Variants in MED13L observed in about 807,000 individuals in gnomAD.
MED13L encodes the protein mediator of RNA polymerase II transcription subunit 13-like.
In MED13L, 7 loss-of-function variants were observed where a neutral mutation model predicts 220.9. The ratio of observed to expected loss-of-function variants is 0.03; its 90% CI spans 0.02 to 0.06. The LOEUF (loss-of-function observed/expected upper bound fraction) is 0.06. Among genes scored for constraint, MED13L ranks in the 10% least tolerant of loss-of-function variants. The probability of loss-of-function intolerance (pLI) is 1.00; values close to 1 mark genes in which losing one functional copy is unlikely to be tolerated. For synonymous variants in MED13L, 1,011 were observed against 1,015.2 expected, an observed-to-expected ratio of 1.00 and a Z score of 0.08; for missense variants, 1,965 against 2,760.5, an observed-to-expected ratio of 0.71 and a Z score of 6.46.
At chr12:116,187,663 C>T (rs1171645881) in intron 2 of MED13L, among the ~76,000 whole-genome samples, 1 of 151,990 alleles carries the variant, frequency 6.6e-6, no homozygotes, top group East Asian at 1.9e-4. Flanking sequence ...TATAACTATG[C>T]TAATCATAGG....
intron 2 of MED13L, among the ~76,000 whole-genome samples, chr12:116,127,664 A>C (rs1417237484): frequency 2.6e-5 from 4 of 152,200 alleles, no homozygotes; most frequent in Non-Finnish European, 5.9e-5. Flanking sequence ...AAAGTACAGA[A>C]ATTGTCATCC....
At chr12:115,962,573 A>G (rs1338629140) in intron 30 of MED13L, 1 of 152,216 alleles carries the variant, frequency 6.6e-6, no homozygotes, top group Admixed American at 6.5e-5. Flanking sequence ...ACATTAATCT[A>G]TAATATATAG....
In MED13L at chr12:115,991,840, T is replaced by C. The variant is rs765903489; in HGVS notation, c.3114A>G (p.Leu1038=). The C allele has an allele frequency of 3.3e-5, 53 of 1,610,918 alleles. No homozygotes were observed. Among genetic ancestry groups the C allele is most frequent in the Non-Finnish European group, 4.1e-5 (48 of 1,179,946 alleles). ...AGAAGCGAGGGGTTGCTGGAGATGG[T>C]AGGACTCCTGCCCCACTATTGCTGG... ...APASNSGAGV[L]PSPATPRFSV... is the part of the protein sequence containing the mutation. The change falls in exon 17 of 31, where the codon CTA becomes CTG. Residue 1038 remains leucine, a synonymous_variant. Coordinates refer to ENST00000281928, the MANE Select transcript of MED13L (RefSeq NM_015335.5). The surrounding 1 kb of genome is among the most constrained non-coding windows in gnomAD (Gnocchi z 7.7).
rs1179526241 is a variant in MED13L at position 116,108,682 on chromosome 12, GGTTT to G, written c.395+2742_395+2745del. On this transcript the variant is annotated intron_variant, in intron 3 of 30. Transcript: ENST00000281928. ...TCATCCATAGAAACTATATGAAGAT[GGTTT>G]GTTTGATCATTATTTTCTAAAAGAA... is the stretch of plus-strand genomic sequence containing the variant. Among the ~76,000 whole-genome samples, 12 of 152,092 alleles carry G rather than the reference GGTTT, an allele frequency of 7.9e-5. No homozygotes were observed. The South Asian group carries it at 2.1e-3, about 26-fold the overall frequency.
At chr12:116,169,536 A>G (rs930544824) in intron 2 of MED13L, among the ~76,000 whole-genome samples, 1 of 152,246 alleles carries the variant, frequency 6.6e-6, no homozygotes, top group African/African-American at 2.4e-5. Context: ...TGTTCAATAT[A>G]TAACAATACG....
At chr12:116,256,634 T>C (rs569394979) in intron 1 of MED13L, among the ~76,000 whole-genome samples, 1 of 151,974 alleles carries the variant, frequency 6.6e-6, no homozygotes, top group East Asian at 1.9e-4. Flanking sequence ...GAAATGTATG[T>C]ATTAATGGAA....
intron 27 of MED13L, 43 bp downstream of exon 27, chr12:115,970,551 C>T: frequency 6.3e-7 from 1 of 1,596,778 alleles, no homozygotes. Context: ...CCGGCTCTGC[C>T]CTGCATGAAG....
chr12:116,117,103 C>T (rs1243349913), intron 2 of MED13L, among the ~76,000 whole-genome samples: 1 of 151,782 alleles, frequency 6.6e-6, no homozygotes, highest in Non-Finnish European at 1.5e-5. Context: ...ATACAATGGG[C>T]TACTACTCAG....
chr12:116,240,534 T>G (rs1039044158), intron 1 of MED13L, among the ~76,000 whole-genome samples: 2 of 146,516 alleles, frequency 1.4e-5, no homozygotes, highest in Non-Finnish European at 3.1e-5. Flanking sequence ...AAGATTTATT[T>G]TATTTTTTTT....
intron 2 of MED13L, among the ~76,000 whole-genome samples, chr12:116,219,890 C>T (rs1349396353): frequency 2.6e-5 from 4 of 152,056 alleles, no homozygotes; most frequent in South Asian, 2.1e-4. Context: ...CTCTGCCTCC[C>T]GGGTTCAAGC....
chr12:116,149,472 C>CT (rs1593102294), intron 2 of MED13L, among the ~76,000 whole-genome samples: 1 of 152,230 alleles, frequency 6.6e-6, no homozygotes, highest in East Asian at 1.9e-4. Flanking sequence ...CCGCATTTTT[C>CT]TTTTTTAATT....
chr12:115,965,186 A>G (rs1363811622), intron 29 of MED13L, among the ~76,000 whole-genome samples: 1 of 152,186 alleles, frequency 6.6e-6, no homozygotes, highest in African/African-American at 2.4e-5. Flanking sequence ...TATCTTATAG[A>G]TTACTCCATG....
At chr12:116,113,297 T>A (rs1231438220) in intron 2 of MED13L, among the ~76,000 whole-genome samples, 1 of 152,000 alleles carries the variant, frequency 6.6e-6, no homozygotes, top group African/African-American at 2.4e-5. Flanking sequence ...TGACACCTAT[T>A]CGGCACATTG....
At chr12:116,052,078 TACACACACAC>T (rs79990251) in intron 4 of MED13L, among the ~76,000 whole-genome samples, 25,073 of 149,554 alleles carry the variant, frequency 0.17, 2,250 homozygotes, top group Middle Eastern at 0.24. Flanking sequence ...CCTACACACA[TACACACACAC>T]ACACACACAC....
At chr12:116,151,086 A>G (rs1878000383) in intron 2 of MED13L, among the ~76,000 whole-genome samples, 1 of 152,144 alleles carries the variant, frequency 6.6e-6, no homozygotes, top group Non-Finnish European at 1.5e-5. Flanking sequence ...ACTTCAGAGG[A>G]CCAGAAGATT....
At chr12:116,141,630 G>A (rs1315119579) in intron 2 of MED13L, among the ~76,000 whole-genome samples, 2 of 152,078 alleles carry the variant, frequency 1.3e-5, no homozygotes, top group Non-Finnish European at 2.9e-5. Flanking sequence ...TCTAGAACGT[G>A]AGCACTTCTC....
chr12:116,098,626 G>T (rs973427645), intron 3 of MED13L, among the ~76,000 whole-genome samples: 7 of 152,136 alleles, frequency 4.6e-5, no homozygotes, highest in Non-Finnish European at 1.5e-5. Flanking sequence ...CTTTTGGGCA[G>T]TCAATTCGGA....
At chr12:116,254,567 G>C (rs1306354812) in intron 1 of MED13L, among the ~76,000 whole-genome samples, 3 of 151,990 alleles carry the variant, frequency 2.0e-5, no homozygotes, top group Non-Finnish European at 1.5e-5. Context: ...TGGTCAACAT[G>C]ATGAAACTCT....
At chr12:116,020,623 A>C (rs938292491) in intron 5 of MED13L, among the ~76,000 whole-genome samples, 17 of 152,206 alleles carry the variant, frequency 1.1e-4, no homozygotes, top group Admixed American at 9.8e-4. Context: ...AAACAACTCT[A>C]AGTAAAATTT....
Sources: allele counts gnomAD v4.1 joint callset (sites outside exome capture counted in the v4.1 genomes callset), GRCh38; gene constraint gnomAD v4.1.1; non-coding constraint Gnocchi (gnomAD v3.1); transcripts MANE v1.5; gene names NCBI Gene and HGNC (gene_info 2026-07-23, HGNC 2026-07-21).